Variants in SLC24A2 observed in about 807,000 individuals in gnomAD.
SLC24A2 encodes the protein sodium/potassium/calcium exchanger 2.
In SLC24A2, 36 loss-of-function variants were observed where a neutral mutation model predicts 62.0. The observed-to-expected ratio is 0.58, with a 90% CI of 0.44 to 0.77. SLC24A2 has a LOEUF of 0.77. Ranked by LOEUF, SLC24A2 falls within the 30% of genes least tolerant of loss-of-function variation. The probability of loss-of-function intolerance (pLI) is 0.00; values close to 1 mark genes in which losing one functional copy is unlikely to be tolerated. For missense variants in SLC24A2, 846 were observed against 817.9 expected, an observed-to-expected ratio of 1.03 and a Z score of -0.42; for synonymous variants, 358 against 294.0, an observed-to-expected ratio of 1.22 and a Z score of -2.23.
the SLC24A2 span, among the ~76,000 whole-genome samples, chr9:20,233,854 G>C: frequency 6.6e-6 from 1 of 152,198 alleles, no homozygotes. Flanking sequence ...TGTTTTTGCA[G>C]TGGCTGGTAC....
At chr9:20,194,834 A>G in the SLC24A2 span, among the ~76,000 whole-genome samples, 1 of 151,962 alleles carries the variant, frequency 6.6e-6, no homozygotes, top group East Asian at 1.9e-4. Context: ...CATTTTAGGA[A>G]ACACACACAG....
At chr9:19,761,478 T>TTTTAC (rs1198716734) in intron 2 of SLC24A2, among the ~76,000 whole-genome samples, 2 of 151,544 alleles carry the variant, frequency 1.3e-5, no homozygotes, top group Non-Finnish European at 2.9e-5. Context: ...TTTTATTTTA[T>TTTTAC]TTTATTTTAT....
At chr9:20,164,684 C>A in the SLC24A2 span, among the ~76,000 whole-genome samples, 1 of 151,800 alleles carries the variant, frequency 6.6e-6, no homozygotes, top group African/African-American at 2.4e-5. Flanking sequence ...CACATGCACA[C>A]CTATGTTTAT....
At chr9:19,662,892 G>A (rs918437322) in intron 2 of SLC24A2, among the ~76,000 whole-genome samples, 1 of 152,294 alleles carries the variant, frequency 6.6e-6, no homozygotes, top group South Asian at 2.1e-4. Flanking sequence ...GTGTGTATGT[G>A]TTATGTGTAT....
At chr9:19,837,941 A>C in the SLC24A2 span, among the ~76,000 whole-genome samples, 3 of 151,994 alleles carry the variant, frequency 2.0e-5, no homozygotes, top group South Asian at 6.2e-4. Flanking sequence ...ATGGAAGAAC[A>C]TTCCATGCTC....
At chr9:19,860,133 A>G in the SLC24A2 span, among the ~76,000 whole-genome samples, 1 of 152,174 alleles carries the variant, frequency 6.6e-6, no homozygotes, top group African/African-American at 2.4e-5. Context: ...GGGAGTACTG[A>G]CATCATCCCT....
At chr9:19,765,121 G>T (rs1010289692) in intron 2 of SLC24A2, among the ~76,000 whole-genome samples, 2 of 151,692 alleles carry the variant, frequency 1.3e-5, no homozygotes, top group Admixed American at 6.6e-5. Context: ...TGCAACTCCT[G>T]CTTTTTTTTT....
At chr9:19,937,302 A>G in the SLC24A2 span, among the ~76,000 whole-genome samples, 1 of 152,244 alleles carries the variant, frequency 6.6e-6, no homozygotes, top group African/African-American at 2.4e-5. Flanking sequence ...GAAGGCATGG[A>G]GAGATGATTA....
the SLC24A2 span, chr9:19,927,732 G>A: frequency 1.4e-4 from 21 of 152,102 alleles, no homozygotes; most frequent in African/African-American, 4.6e-4. Flanking sequence ...TGGCTCTGAC[G>A]GGAGAGCCAA....
intron 8 of SLC24A2, among the ~76,000 whole-genome samples, chr9:19,544,208 T>C (rs991652206): frequency 6.6e-6 from 1 of 151,516 alleles, no homozygotes; most frequent in East Asian, 1.9e-4. Context: ...TTTTGATCTT[T>C]GTTGGTTTAA....
chr9:20,074,603 AAAG>A, the SLC24A2 span, among the ~76,000 whole-genome samples: 2 of 36,280 alleles, frequency 5.5e-5, no homozygotes, highest in Non-Finnish European at 1.1e-4. Context: ...GGAAGGAAGG[AAAG>A]AAGGGAGTGA....
At chr9:19,719,123 T>C (rs1375085914) in intron 2 of SLC24A2, among the ~76,000 whole-genome samples, 1 of 152,176 alleles carries the variant, frequency 6.6e-6, no homozygotes, top group Non-Finnish European at 1.5e-5. Flanking sequence ...TATAAACTGC[T>C]AAGACTTTAT....
the SLC24A2 span, among the ~76,000 whole-genome samples, chr9:20,103,997 T>G: frequency 1.8e-4 from 28 of 152,152 alleles, no homozygotes; most frequent in Non-Finnish European, 2.9e-4. Flanking sequence ...AACAGAGAAG[T>G]GCTTAAAGGA....
chr9:20,208,960 C>A, the SLC24A2 span, among the ~76,000 whole-genome samples: 1 of 152,216 alleles, frequency 6.6e-6, no homozygotes, highest in Non-Finnish European at 1.5e-5. Context: ...TGCAGTGCCT[C>A]AGTTCAAACT....
chr9:20,013,622 C>A, the SLC24A2 span, among the ~76,000 whole-genome samples: 13 of 152,056 alleles, frequency 8.5e-5, no homozygotes, highest in Admixed American at 6.5e-4. Context: ...AATGAACAGA[C>A]AACTCACAGA....
At chr9:20,190,582 A>C in the SLC24A2 span, among the ~76,000 whole-genome samples, 1 of 152,194 alleles carries the variant, frequency 6.6e-6, no homozygotes, top group Non-Finnish European at 1.5e-5. Context: ...GTTTAGAGAA[A>C]AGTGAGGCTC....
the SLC24A2 span, among the ~76,000 whole-genome samples, chr9:20,183,060 A>C: frequency 7.2e-5 from 11 of 152,316 alleles, no homozygotes; most frequent in Non-Finnish European, 1.6e-4. Flanking sequence ...CTTAGAAGAA[A>C]CACTCCCTGG....
chr9:20,077,276 T>C, the SLC24A2 span, among the ~76,000 whole-genome samples: 9 of 152,100 alleles, frequency 5.9e-5, no homozygotes, highest in Non-Finnish European at 1.0e-4. Context: ...TTTTGTTAAA[T>C]AGATTTCAGC....
At chr9:19,771,976 C>T (rs377684730) in intron 2 of SLC24A2, among the ~76,000 whole-genome samples, 27 of 152,210 alleles carry the variant, frequency 1.8e-4, no homozygotes, top group African/African-American at 4.8e-4. Flanking sequence ...AAGCTAAGGG[C>T]CCAGTACAGA....
Sources: gnomAD v4.1 joint callset for allele counts (sites outside exome capture counted in the v4.1 genomes callset) on GRCh38, gnomAD v4.1.1 for gene constraint, MANE v1.5 for transcripts, NCBI Gene and HGNC (gene_info 2026-07-23, HGNC 2026-07-21) for gene names.